Variants in MLLT10 observed in about 807,000 individuals in gnomAD.
MLLT10 encodes MLLT10 histone lysine methyltransferase DOT1L cofactor.
MLLT10 carries 30 observed loss-of-function variants against 129.1 expected under a neutral mutation model. That is an observed-to-expected ratio of 0.23 (90% CI 0.17 to 0.32). MLLT10 has a LOEUF of 0.32. Among genes scored for constraint, MLLT10 ranks in the 10% least tolerant of loss-of-function variants. The pLI, the probability that MLLT10 is intolerant of heterozygous loss-of-function variation, is 1.00. For missense variants in MLLT10, 1,119 were observed against 1,268.3 expected, an observed-to-expected ratio of 0.88 and a Z score of 1.79; for synonymous variants, 490 against 446.4, an observed-to-expected ratio of 1.10 and a Z score of -1.23.
chr10:21,659,666 A>G (rs1017359622), intron 9 of MLLT10, among the ~76,000 whole-genome samples: 3 of 151,976 alleles, frequency 2.0e-5, no homozygotes, highest in African/African-American at 7.3e-5. Context: ...GCCCACCACC[A>G]CGCCTGGCTG....
intron 20 of MLLT10, 61 bp downstream of exon 20, chr10:21,734,190 C>T: frequency 6.6e-7 from 1 of 1,513,518 alleles, no homozygotes; most frequent in Non-Finnish European, 8.8e-7. Flanking sequence ...GTTGTCTATG[C>T]CTTAGATTGG....
intron 8 of MLLT10, among the ~76,000 whole-genome samples, chr10:21,622,549 G>C (rs531802945): frequency 6.6e-6 from 1 of 152,136 alleles, no homozygotes; most frequent in Admixed American, 6.5e-5. Flanking sequence ...AATTAAAGCT[G>C]TGCCTATCAG....
Position 21,727,915 on chromosome 10 carries a change from A to AGTCTCTC in MLLT10, c.2052_2058dup (p.Pro687SerfsTer15). The AGTCTCTC allele has an allele frequency of 6.2e-7, 1 of 1,614,036 alleles. No individual in the cohort carries two copies. The highest frequency in any genetic ancestry group is 2.2e-5 in the East Asian group (1 of 44,884). On this transcript the variant is annotated frameshift_variant, in exon 16 of 23. Transcript: ENST00000307729. LOFTEE classifies it high-confidence loss of function. ...TGGCAGAGGAAGCTCACCCCGAGGAAGTCTCTCGCCACGGTAAGCGCTATT... is the reference window on the plus strand; with the variant it reads ...TGGCAGAGGAAGCTCACCCCGAGGAAGTCTCTCGTCTCTCGCCACGGTAAGCGCTATT...
intron 13 of MLLT10, chr10:21,688,395 C>A (rs2053510438): frequency 1.8e-5 from 18 of 993,238 alleles, no homozygotes; most frequent in Middle Eastern, 4.3e-4. Context: ...ACACTGCACC[C>A]CATCATAATA....
intron 5 of MLLT10, among the ~76,000 whole-genome samples, chr10:21,599,731 GT>G (rs1183382985): frequency 1.3e-5 from 2 of 151,922 alleles, no homozygotes; most frequent in Non-Finnish European, 2.9e-5. Flanking sequence ...ACCCGGCTAA[GT>G]TTTTTGTATT....
chr10:21,614,241 A>G (rs1315473653), intron 6 of MLLT10, among the ~76,000 whole-genome samples: 8 of 151,918 alleles, frequency 5.3e-5, no homozygotes, highest in African/African-American at 1.7e-4. Flanking sequence ...AAAAAAAAAA[A>G]AAAGAATATT....
At chr10:21,647,981 A>T (rs968822714) in intron 8 of MLLT10, among the ~76,000 whole-genome samples, 4 of 151,962 alleles carry the variant, frequency 2.6e-5, no homozygotes, top group African/African-American at 7.3e-5. Context: ...TTTAATTTTT[A>T]CTTAACCCTT....
At chr10:21,601,005 G>A (rs1177243566) in intron 5 of MLLT10, among the ~76,000 whole-genome samples, 1 of 152,054 alleles carries the variant, frequency 6.6e-6, no homozygotes, top group African/African-American at 2.4e-5. Flanking sequence ...GTGCAGTGGT[G>A]CAATTACAGC....
chr10:21,593,567 A>G (rs2042710918), intron 4 of MLLT10, among the ~76,000 whole-genome samples: 1 of 151,728 alleles, frequency 6.6e-6, no homozygotes, highest in African/African-American at 2.4e-5. Flanking sequence ...ATTTCTCCTT[A>G]TTTTCATTCA....
chr10:21,680,950 T>C (rs997486655), intron 11 of MLLT10, among the ~76,000 whole-genome samples: 2 of 151,284 alleles, frequency 1.3e-5, no homozygotes, highest in African/African-American at 2.4e-5. Context: ...AGTGAGACTT[T>C]GTCTCAAAAA....
chr10:21,639,052 G>T (rs1375877273), intron 8 of MLLT10, among the ~76,000 whole-genome samples: 1 of 152,048 alleles, frequency 6.6e-6, no homozygotes, highest in Non-Finnish European at 1.5e-5. Flanking sequence ...CCCATTAATT[G>T]GCCTGTGAGG....
chr10:21,537,268 T>A (rs893608798), intron 2 of MLLT10, among the ~76,000 whole-genome samples: 1 of 152,188 alleles, frequency 6.6e-6, no homozygotes. Flanking sequence ...CAGTGGGTAG[T>A]ACTCTGTTTT....
At chr10:21,568,107 C>T (rs555383103) in intron 3 of MLLT10, among the ~76,000 whole-genome samples, 84 of 152,246 alleles carry the variant, frequency 5.5e-4, no homozygotes, top group African/African-American at 1.8e-3. Flanking sequence ...CATGAGCCAC[C>T]GCACCCGGCC....
rs1241777204 is a variant in MLLT10 at position 21,742,445 on chromosome 10, GA to G, written c.*464del. ...TGCTTGCTCTAAGTCAAATTCCAAG[GA>G]ACTAATTTCTTCTCCTGGAGTTGCA... On this transcript the variant is annotated 3_prime_UTR_variant, in exon 23 of 23. Transcript: ENST00000307729. 4.6e-6 allele frequency: 1 copy of G among 217,926 alleles called. No homozygotes were observed. Among genetic ancestry groups the G allele is most frequent in the Non-Finnish European group, 9.2e-6 (1 of 108,700 alleles). The allele number at this position is 217,926 out of a possible 1,614,324, so 13.5% of individuals were successfully genotyped here. A position where few individuals can be genotyped will look rare whatever the true frequency, so the allele number is the denominator to read the frequency against.
intron 4 of MLLT10, among the ~76,000 whole-genome samples, chr10:21,594,616 A>G (rs1343441461): frequency 6.7e-6 from 1 of 149,806 alleles, no homozygotes; most frequent in Non-Finnish European, 1.5e-5. Context: ...TGAAATAGGC[A>G]AATGTTCCCT....
chr10:21,716,565 A>C (rs1432162929), intron 14 of MLLT10, among the ~76,000 whole-genome samples: 1 of 151,996 alleles, frequency 6.6e-6, no homozygotes, highest in African/African-American at 2.4e-5. Flanking sequence ...ATGGTGGTTC[A>C]AGCCTGTAGT....
chr10:21,736,059 AT>A lies in MLLT10; in HGVS notation c.2955+831del, dbSNP rs975762134. Among the ~76,000 whole-genome samples, 26 of 152,060 alleles carry A rather than the reference AT, an allele frequency of 1.7e-4. No individual in the cohort carries two copies. The South Asian group carries it at 4.6e-3, about 27-fold the overall frequency. On this transcript the variant is annotated intron_variant, in intron 21 of 22. Coordinates refer to ENST00000307729, the MANE Select transcript of MLLT10 (RefSeq NM_001195626.3). ...TTTTGTTTATCTCATTTCATTCTCC[AT>A]TTTTTTCAGGATTAAGAATTGGAAG...
At chr10:21,581,136 C>G (rs977861425) in intron 3 of MLLT10, among the ~76,000 whole-genome samples, 2 of 149,940 alleles carry the variant, frequency 1.3e-5, no homozygotes, top group Non-Finnish European at 3.0e-5. Flanking sequence ...AGCTCTGCTT[C>G]CCGGGTTCAC....
intron 13 of MLLT10, among the ~76,000 whole-genome samples, chr10:21,687,965 G>T (rs565198680): frequency 5.3e-4 from 81 of 152,264 alleles, no homozygotes; most frequent in African/African-American, 1.9e-3. Context: ...GTACTTATAG[G>T]TAAGACTTTT....
Sources: gnomAD v4.1 joint callset for allele counts (sites outside exome capture counted in the v4.1 genomes callset) on GRCh38, gnomAD v4.1.1 for gene constraint, MANE v1.5 for transcripts, NCBI Gene and HGNC (gene_info 2026-07-23, HGNC 2026-07-21) for gene names.